HIBADH: variants seen among roughly 807,000 people sequenced by gnomAD.
The protein encoded by HIBADH is 3-hydroxyisobutyrate dehydrogenase, mitochondrial.
In HIBADH, 25 loss-of-function variants were observed where a neutral mutation model predicts 36.1. The observed-to-expected ratio is 0.69, with a 90% CI of 0.50 to 0.97. The LOEUF is 0.97. Among genes scored for constraint, HIBADH ranks in the 50% least tolerant of loss-of-function variants. The probability of loss-of-function intolerance (pLI) is 0.00; values close to 1 mark genes in which losing one functional copy is unlikely to be tolerated. For missense variants in HIBADH, 421 were observed against 418.0 expected, an observed-to-expected ratio of 1.01 and a Z score of -0.06; for synonymous variants, 160 against 149.5, an observed-to-expected ratio of 1.07 and a Z score of -0.51.
At chr7:27,530,687 T>G (rs1228187447) in intron 7 of HIBADH, among the ~76,000 whole-genome samples, 1 of 152,162 alleles carries the variant, frequency 6.6e-6, no homozygotes, top group African/African-American at 2.4e-5. Flanking sequence ...AGGATGACAG[T>G]TTGCTTTTCC....
intron 2 of HIBADH, among the ~76,000 whole-genome samples, chr7:27,634,289 T>C (rs1310994301): frequency 6.6e-6 from 1 of 152,164 alleles, no homozygotes; most frequent in East Asian, 1.9e-4. Context: ...TCAACCTGTA[T>C]ATTTTGATAT....
In HIBADH at chr7:27,583,214, A is replaced by G. The variant is rs115706758; in HGVS notation, c.485-40114T>C. 3.2e-3 allele frequency among the ~76,000 whole-genome samples: 494 copies of G among 152,208 alleles called. 6 individuals carry two copies. Among genetic ancestry groups the G allele is most frequent in the African/African-American group, 0.011 (465 of 41,570 alleles). On this transcript the variant is annotated intron_variant, in intron 4 of 7. Coordinates refer to ENST00000265395, the MANE Select transcript of HIBADH (RefSeq NM_152740.4). ...CTTTATTAAGCATTAATTGTCACAG[A>G]TACACCGCTATTATACAGAATTTTA... is the stretch of plus-strand genomic sequence containing the variant.
intron 4 of HIBADH, among the ~76,000 whole-genome samples, chr7:27,581,126 T>C (rs2128287465): frequency 6.6e-6 from 1 of 152,182 alleles, no homozygotes; most frequent in East Asian, 1.9e-4. Flanking sequence ...ACTAAGGAAA[T>C]GAAGGGGAAC....
chr7:27,588,027 T>C (rs544666896), intron 4 of HIBADH, among the ~76,000 whole-genome samples: 27 of 152,290 alleles, frequency 1.8e-4, no homozygotes, highest in Admixed American at 1.0e-3. Flanking sequence ...TTAGCTAAAA[T>C]AGGGATTACA....
chr7:27,576,269 G>A (rs1784708746), intron 4 of HIBADH, among the ~76,000 whole-genome samples: 1 of 152,144 alleles, frequency 6.6e-6, no homozygotes, highest in East Asian at 1.9e-4. Context: ...TGTGGAGGCG[G>A]TAACAAGGTT....
At chr7:27,570,232 T>G (rs1362212419) in intron 4 of HIBADH, among the ~76,000 whole-genome samples, 1 of 152,176 alleles carries the variant, frequency 6.6e-6, no homozygotes, top group Non-Finnish European at 1.5e-5. Flanking sequence ...TTAGACACAT[T>G]CAGTAGGAGA....
At chr7:27,628,338 AT>A (rs1362209040) in intron 4 of HIBADH, among the ~76,000 whole-genome samples, 2 of 152,120 alleles carry the variant, frequency 1.3e-5, no homozygotes, top group African/African-American at 4.8e-5. Context: ...AATGATTTAA[AT>A]TATTATATGT....
At chr7:27,619,340 A>T (rs1785496358) in intron 4 of HIBADH, among the ~76,000 whole-genome samples, 1 of 152,234 alleles carries the variant, frequency 6.6e-6, no homozygotes, top group South Asian at 2.1e-4. Context: ...AAATTCAAAA[A>T]TAGGAGGAAG....
intron 4 of HIBADH, among the ~76,000 whole-genome samples, chr7:27,621,338 G>A (rs36069602): frequency 0.16 from 24,293 of 152,038 alleles, 2,124 homozygotes; most frequent in Middle Eastern, 0.19. Flanking sequence ...AGAAAAAAAC[G>A]TTGAATTTAA....
intron 6 of HIBADH, among the ~76,000 whole-genome samples, chr7:27,536,517 A>T (rs1784072543): frequency 6.6e-6 from 1 of 152,130 alleles, no homozygotes; most frequent in African/African-American, 2.4e-5. Flanking sequence ...AAACTCTATT[A>T]ATTGCTTCTG....
intron 4 of HIBADH, among the ~76,000 whole-genome samples, chr7:27,583,323 G>A (rs945237000): frequency 2.6e-5 from 4 of 151,956 alleles, no homozygotes; most frequent in Admixed American, 2.6e-4. Flanking sequence ...TTAAAGTAAG[G>A]AGAACAAAAT....
intron 2 of HIBADH, among the ~76,000 whole-genome samples, chr7:27,639,319 T>C (rs1458472897): frequency 6.6e-6 from 1 of 152,178 alleles, no homozygotes; most frequent in Non-Finnish European, 1.5e-5. Flanking sequence ...GCCATTATCC[T>C]AAGCAAACTA....
intron 2 of HIBADH, among the ~76,000 whole-genome samples, chr7:27,632,966 A>T (rs1275143540): frequency 6.6e-6 from 1 of 152,198 alleles, no homozygotes; most frequent in African/African-American, 2.4e-5. Context: ...CTGTTTCAGA[A>T]AAGAAAAGTC....
intron 2 of HIBADH, among the ~76,000 whole-genome samples, chr7:27,646,689 ATT>A (rs34491908): frequency 2.7e-5 from 2 of 74,864 alleles, no homozygotes; most frequent in African/African-American, 1.2e-4. Context: ...CACGCCCAGC[ATT>A]TTTTTTTTTT....
intron 4 of HIBADH, among the ~76,000 whole-genome samples, chr7:27,581,012 G>A (rs566589449): frequency 5.9e-5 from 9 of 152,116 alleles, no homozygotes; most frequent in Non-Finnish European, 1.2e-4. Flanking sequence ...CTCAGTGAAA[G>A]TAAAAAGGAA....
intron 5 of HIBADH, among the ~76,000 whole-genome samples, chr7:27,540,888 T>G (rs1270865201): frequency 1.3e-5 from 2 of 152,194 alleles, no homozygotes; most frequent in Non-Finnish European, 2.9e-5. Flanking sequence ...ACAAAGCCAT[T>G]GATGGAAACA....
chr7:27,631,425 T>C (rs1785743816), intron 3 of HIBADH, among the ~76,000 whole-genome samples: 1 of 152,264 alleles, frequency 6.6e-6, no homozygotes. Context: ...AAATTTCACA[T>C]ATTACAGTTT....
At chr7:27,635,359 T>C (rs1785821138) in intron 2 of HIBADH, among the ~76,000 whole-genome samples, 1 of 152,274 alleles carries the variant, frequency 6.6e-6, no homozygotes, top group Non-Finnish European at 1.5e-5. Flanking sequence ...CATTTGCTAA[T>C]TGAATGGATA....
intron 4 of HIBADH, among the ~76,000 whole-genome samples, chr7:27,548,163 G>A (rs1425013201): frequency 6.9e-6 from 1 of 145,324 alleles, no homozygotes; most frequent in Non-Finnish European, 1.5e-5. Flanking sequence ...TTAAATCTAA[G>A]CACAAATCCT....
Sources: gnomAD v4.1 joint callset for allele counts (sites outside exome capture counted in the v4.1 genomes callset) on GRCh38, gnomAD v4.1.1 for gene constraint, MANE v1.5 for transcripts, NCBI Gene and HGNC (gene_info 2026-07-23, HGNC 2026-07-21) for gene names.